The following LRRTM4 variants were observed in gnomAD, a reference collection of about 807,000 sequenced individuals.
The protein encoded by LRRTM4 is leucine-rich repeat transmembrane neuronal protein 4.
In LRRTM4, 25 loss-of-function variants were observed where a neutral mutation model predicts 47.6. The ratio of observed to expected loss-of-function variants is 0.53; its 90% CI spans 0.38 to 0.73. The LOEUF is 0.73. Among genes scored for constraint, LRRTM4 ranks in the 30% least tolerant of loss-of-function variants. LRRTM4 has a pLI of 0.00. For missense variants in LRRTM4, 638 were observed against 713.4 expected (o/e 0.89, Z 1.20); for synonymous variants, 311 against 269.5 (o/e 1.15, Z -1.51).
chr2:77,265,908 G>T (rs1676037146), intron 3 of LRRTM4, among the ~76,000 whole-genome samples: 1 of 152,150 alleles, frequency 6.6e-6, no homozygotes, highest in Non-Finnish European at 1.5e-5. Context: ...AATTTCAGAT[G>T]ACATAAGATT....
chr2:77,107,489 C>T lies in LRRTM4; in HGVS notation c.1552-358573G>A, dbSNP rs186222712. ...TTTCAAAATATAGGAGAGCAATAGC[C>T]TATTCTGTGACCACATTGAACATAT... is the stretch of plus-strand genomic sequence containing the variant. On this transcript the variant is annotated intron_variant, in intron 3 of 3. Coordinates refer to ENST00000409884, the MANE Select transcript of LRRTM4 (RefSeq NM_001134745.3). 9.9e-5 allele frequency among the ~76,000 whole-genome samples: 15 copies of T among 152,160 alleles called. No individual in the cohort carries two copies. In the East Asian group the frequency reaches 2.7e-3, roughly 27 times the overall value.
At chr2:77,071,574 G>C (rs1031797668) in intron 3 of LRRTM4, among the ~76,000 whole-genome samples, 2 of 152,052 alleles carry the variant, frequency 1.3e-5, no homozygotes, top group African/African-American at 4.8e-5. Context: ...ATTATGCCTA[G>C]AATAGAAAGA....
At chr2:76,763,026 AAAAC>A (rs1285148989) in intron 3 of LRRTM4, among the ~76,000 whole-genome samples, 8 of 152,194 alleles carry the variant, frequency 5.3e-5, no homozygotes, top group African/African-American at 1.9e-4. Context: ...TGAGGAGAAT[AAAAC>A]AAATGATAGA....
intron 3 of LRRTM4, among the ~76,000 whole-genome samples, chr2:77,417,783 A>C (rs290007): frequency 6.6e-6 from 1 of 150,508 alleles, no homozygotes; most frequent in Non-Finnish European, 1.5e-5. Context: ...AGGGGGGAGG[A>C]ATAGCATTTT....
At chr2:77,274,568 C>A (rs1676291026) in intron 3 of LRRTM4, among the ~76,000 whole-genome samples, 1 of 152,030 alleles carries the variant, frequency 6.6e-6, no homozygotes, top group African/African-American at 2.4e-5. Context: ...TCAGTAATTT[C>A]AAAGTGACAT....
intron 3 of LRRTM4, among the ~76,000 whole-genome samples, chr2:76,811,270 A>T (rs1670724340): frequency 6.6e-6 from 1 of 152,220 alleles, no homozygotes; most frequent in African/African-American, 2.4e-5. Flanking sequence ...AATTAATCTT[A>T]GCAGAGAAAA....
intron 3 of LRRTM4, among the ~76,000 whole-genome samples, chr2:77,340,302 C>G (rs1445655214): frequency 1.3e-5 from 2 of 151,636 alleles, no homozygotes; most frequent in Non-Finnish European, 2.9e-5. Flanking sequence ...GTTCACAGAT[C>G]TTGGGGGTAA....
At chr2:76,776,454 C>A (rs1163101070) in intron 3 of LRRTM4, among the ~76,000 whole-genome samples, 1 of 152,084 alleles carries the variant, frequency 6.6e-6, no homozygotes, top group Non-Finnish European at 1.5e-5. Flanking sequence ...GCCATTCTAA[C>A]TGGTGTGAGA....
At chr2:77,518,284 G>A in intron 3 of LRRTM4, 34 bp downstream of exon 3, 1 of 1,539,448 alleles carries the variant, frequency 6.5e-7, no homozygotes, top group Non-Finnish European at 8.7e-7. Context: ...CTTCCCCGCA[G>A]TAGAAATGCT....
intron 3 of LRRTM4, among the ~76,000 whole-genome samples, chr2:76,882,210 T>A (rs2104110481): frequency 6.6e-6 from 1 of 152,256 alleles, no homozygotes; most frequent in South Asian, 2.1e-4. Context: ...ATTTTCTGTT[T>A]GGTATTGTGA....
chr2:77,295,562 A>G (rs1676948899), intron 3 of LRRTM4, among the ~76,000 whole-genome samples: 2 of 152,178 alleles, frequency 1.3e-5, no homozygotes, highest in African/African-American at 4.8e-5. Context: ...GAAGTACTGC[A>G]GATTGAGTGG....
intron 3 of LRRTM4, among the ~76,000 whole-genome samples, chr2:77,308,826 C>T (rs1677364099): frequency 7.7e-6 from 1 of 130,670 alleles, no homozygotes; most frequent in African/African-American, 2.8e-5. Context: ...AGCCTCTATC[C>T]AATTATGCTT....
At chr2:77,432,129 A>G (rs961446061) in intron 3 of LRRTM4, among the ~76,000 whole-genome samples, 1 of 152,174 alleles carries the variant, frequency 6.6e-6, no homozygotes, top group Non-Finnish European at 1.5e-5. Context: ...TCAAAACCCA[A>G]ACCCAACAGG....
chr2:77,493,358 T>C (rs1021526975), intron 3 of LRRTM4, among the ~76,000 whole-genome samples: 2 of 152,048 alleles, frequency 1.3e-5, no homozygotes, highest in Non-Finnish European at 2.9e-5. Flanking sequence ...TGATTTCTGA[T>C]AGTCATTTTT....
chr2:76,824,909 G>A (rs1289896487), intron 3 of LRRTM4, among the ~76,000 whole-genome samples: 1 of 151,594 alleles, frequency 6.6e-6, no homozygotes, highest in Non-Finnish European at 1.5e-5. Context: ...AGATTTCACA[G>A]CATACATCTA....
intron 3 of LRRTM4, among the ~76,000 whole-genome samples, chr2:77,123,867 C>T (rs991991943): frequency 6.6e-6 from 1 of 152,072 alleles, no homozygotes. Context: ...GACAGAATTC[C>T]TAGCTCATCT....
intron 3 of LRRTM4, among the ~76,000 whole-genome samples, chr2:77,332,804 A>G (rs1048747753): frequency 7.9e-5 from 12 of 152,224 alleles, no homozygotes; most frequent in African/African-American, 2.9e-4. Flanking sequence ...TATAGTTTCA[A>G]CTTGTCACAA....
chr2:77,296,389 G>C (rs1196025249), intron 3 of LRRTM4, among the ~76,000 whole-genome samples: 1 of 151,554 alleles, frequency 6.6e-6, no homozygotes, highest in Admixed American at 6.6e-5. Flanking sequence ...GATTTTTTTG[G>C]CCTATTTATT....
At chr2:77,156,532 A>G (rs1672564340) in intron 3 of LRRTM4, among the ~76,000 whole-genome samples, 2 of 152,192 alleles carry the variant, frequency 1.3e-5, no homozygotes, top group East Asian at 3.9e-4. Context: ...AAGAAATAAT[A>G]ATAAATGATA....
Sources: allele counts gnomAD v4.1 joint callset (sites outside exome capture counted in the v4.1 genomes callset), GRCh38; gene constraint gnomAD v4.1.1; transcripts MANE v1.5; gene names NCBI Gene and HGNC (gene_info 2026-07-23, HGNC 2026-07-21).